The following ANKRD36 variants were observed in gnomAD, a reference collection of about 807,000 sequenced individuals.
The protein encoded by ANKRD36 is ankyrin repeat domain-containing protein 36A.
Under a neutral mutation model 278.1 loss-of-function variants are expected in ANKRD36, and 179 were observed. The ratio of observed to expected loss-of-function variants is 0.64; its 90% CI spans 0.57 to 0.73. The LOEUF (loss-of-function observed/expected upper bound fraction) is 0.73, where lower values mean the gene tolerates loss of function less well. Among genes scored for constraint, ANKRD36 ranks in the 30% least tolerant of loss-of-function variants. ANKRD36 has a pLI of 0.00. For synonymous variants in ANKRD36, 320 were observed against 641.1 expected, an observed-to-expected ratio of 0.50 and a Z score of 7.57; for missense variants, 1,159 against 1,956.7, an observed-to-expected ratio of 0.59 and a Z score of 7.69.
At chr2:97,224,368 A>G (rs2068648628) in intron 66 of ANKRD36, among the ~76,000 whole-genome samples, 1 of 151,580 alleles carries the variant, frequency 6.6e-6, no homozygotes. Flanking sequence ...AAAGAAGTAA[A>G]TATTATACTA....
intron 50 of ANKRD36, among the ~76,000 whole-genome samples, chr2:97,205,420 T>G (rs374337498): frequency 5.2e-4 from 78 of 150,002 alleles, no homozygotes; most frequent in African/African-American, 8.0e-4. Context: ...GGTGATCAAT[T>G]TAGGACACTT....
rs757822973 is a variant in ANKRD36 at position 97,189,162 on chromosome 2, A to G, written c.2172+47A>G. ...TTGTGAACTAGTAATTCTATAGTCTATGAAACATACTTCATTGATTTATTT... is the reference window on the plus strand; with the variant it reads ...TTGTGAACTAGTAATTCTATAGTCTGTGAAACATACTTCATTGATTTATTT... On this transcript the variant is annotated intron_variant, in intron 33 of 75. Transcript: ENST00000420699. 6 of 751,372 alleles carry G rather than the reference A, an allele frequency of 8.0e-6. 1 individual carries two copies. Among genetic ancestry groups the G allele is most frequent in the Admixed American group, 6.7e-5 (3 of 44,506 alleles). 46.5% of individuals were successfully genotyped at this position (751,372 alleles called of 1,614,324 possible). A position where few individuals can be genotyped will look rare whatever the true frequency, so the allele number is the denominator to read the frequency against.
chr2:97,171,625 G>C (rs1292157411), intron 22 of ANKRD36, among the ~76,000 whole-genome samples: 2 of 138,560 alleles, frequency 1.4e-5, no homozygotes, highest in Admixed American at 7.4e-5. Context: ...TGGGTGCAGC[G>C]CACCAGCATG....
At chr2:97,174,418 C>T (rs201787567) in intron 22 of ANKRD36, among the ~76,000 whole-genome samples, 3 of 151,550 alleles carry the variant, frequency 2.0e-5, no homozygotes, top group Non-Finnish European at 4.4e-5. Flanking sequence ...TGACTCATTG[C>T]TCCTCTTTGT....
intron 15 of ANKRD36, among the ~76,000 whole-genome samples, chr2:97,155,020 A>G (rs2047119118): frequency 7.0e-6 from 1 of 143,844 alleles, no homozygotes; most frequent in African/African-American, 2.4e-5. Context: ...TGGTTTTGGA[A>G]CACTTTCCCA....
chr2:97,205,917 T>G (rs1279469875), intron 50 of ANKRD36, 23 bp from the exon 51 acceptor site: 1 of 1,543,860 alleles, frequency 6.5e-7, no homozygotes, highest in African/African-American at 1.4e-5. Flanking sequence ...TATGACTGAT[T>G]ATGAATCACT....
intron 66 of ANKRD36, among the ~76,000 whole-genome samples, chr2:97,223,025 T>G (rs1388337451): frequency 4.6e-5 from 7 of 152,062 alleles, no homozygotes; most frequent in African/African-American, 1.7e-4. Flanking sequence ...GTATAAAATG[T>G]TATTAATAAG....
chr2:97,183,874 A>G (rs376551200), intron 28 of ANKRD36, among the ~76,000 whole-genome samples: 1 of 151,810 alleles, frequency 6.6e-6, no homozygotes, highest in Admixed American at 6.6e-5. Flanking sequence ...GAATTTGGAT[A>G]GAAGAACCAT....
At chr2:97,191,711 A>T (rs1166293278) in intron 36 of ANKRD36, among the ~76,000 whole-genome samples, 5 of 151,694 alleles carry the variant, frequency 3.3e-5, no homozygotes, top group African/African-American at 1.2e-4. Flanking sequence ...AGGAAACCTG[A>T]GTGAACTCAC....
intron 12 of ANKRD36, among the ~76,000 whole-genome samples, chr2:97,150,529 T>A (rs924253757): frequency 6.6e-6 from 1 of 152,216 alleles, no homozygotes; most frequent in African/African-American, 2.4e-5. Context: ...TAACCTAATA[T>A]GCATGACATA....
At chr2:97,137,582 T>C (rs1459370664) in intron 6 of ANKRD36, among the ~76,000 whole-genome samples, 1 of 93,786 alleles carries the variant, frequency 1.1e-5, no homozygotes, top group Non-Finnish European at 3.3e-5. Flanking sequence ...CCACTGTACA[T>C]ATATATATAT....
At position 97,189,135 on chromosome 2, in the gene ANKRD36, C is replaced by A. The variant is rs764577206; in HGVS notation, c.2172+20C>A. ...TTGAAGGTAATTAAACTCTCGTTTA[C>A]ATTGTGAACTAGTAATTCTATAGTC... On this transcript the variant is annotated intron_variant, in intron 33 of 75. Coordinates refer to ENST00000420699, the MANE Select transcript of ANKRD36 (RefSeq NM_001354587.1). 1 of 757,538 alleles carries A rather than the reference C, an allele frequency of 1.3e-6. No homozygotes were observed. Among genetic ancestry groups the A allele is most frequent in the Admixed American group, 2.2e-5 (1 of 45,116 alleles). 46.9% of individuals were successfully genotyped at this position (757,538 alleles called of 1,614,324 possible).
intron 12 of ANKRD36, 150 bp downstream of exon 12, chr2:97,149,511 G>A: frequency 1.5e-6 from 1 of 649,340 alleles, no homozygotes; most frequent in East Asian, 3.4e-5. Flanking sequence ...AGAAATGGGA[G>A]GGGTTAATTT....
intron 6 of ANKRD36, among the ~76,000 whole-genome samples, chr2:97,132,757 G>A (rs2040496668): frequency 6.6e-6 from 1 of 152,044 alleles, no homozygotes; most frequent in African/African-American, 2.4e-5. Context: ...TTGACTCAGG[G>A]CAAAGGGGCA....
chr2:97,170,718 A>G (rs527923589), intron 22 of ANKRD36, among the ~76,000 whole-genome samples: 2 of 151,996 alleles, frequency 1.3e-5, no homozygotes, highest in African/African-American at 2.4e-5. Flanking sequence ...TAATTAAACT[A>G]AAGAGCTTCT....
Position 97,118,489 on chromosome 2 carries a change from A to G in ANKRD36, c.458A>G (p.His153Arg), listed in dbSNP as rs760900378. The part of the protein sequence containing the change: ...DTSMIEKLLS[H>R]GTNIEECSKC... Reference sequence around the variant, plus strand: ...TCCATGATAGAAAAACTTCTTTCACATGGTACAAATATTGAAGAATGCAGC... The same window carrying G: ...TCCATGATAGAAAAACTTCTTTCACGTGGTACAAATATTGAAGAATGCAGC... The change falls in exon 3 of 76, where the codon CAT (histidine) becomes CGT (arginine). Residue 153 changes from histidine (H) to arginine (R), a missense_variant. Physicochemically the swap from His to Arg is conservative, Grantham distance 29. Coordinates refer to ENST00000420699, the MANE Select transcript of ANKRD36 (RefSeq NM_001354587.1). 81 of 1,598,346 alleles carry G rather than the reference A, an allele frequency of 5.1e-5. 2 individuals carry two copies. The highest frequency in any genetic ancestry group is 5.0e-4 in the Admixed American group (29 of 58,116).
At chr2:97,165,676 T>C (rs2050429526) in intron 20 of ANKRD36, among the ~76,000 whole-genome samples, 1 of 151,870 alleles carries the variant, frequency 6.6e-6, no homozygotes, top group South Asian at 2.1e-4. Context: ...TATAAAGGGT[T>C]TCCAGGTGTC....
At chr2:97,114,904 A>G (rs944906039) in intron 1 of ANKRD36, among the ~76,000 whole-genome samples, 3 of 152,116 alleles carry the variant, frequency 2.0e-5, no homozygotes, top group African/African-American at 7.2e-5. Flanking sequence ...TATTGTGACG[A>G]CATCAAGAAA....
intron 4 of ANKRD36, among the ~76,000 whole-genome samples, chr2:97,123,890 ATT>A (rs1486851408): frequency 1.4e-5 from 2 of 143,152 alleles, no homozygotes; most frequent in African/African-American, 5.0e-5. Flanking sequence ...ATATATACTA[ATT>A]TTATATATAT....
Sources: allele counts gnomAD v4.1 joint callset (sites outside exome capture counted in the v4.1 genomes callset), GRCh38; gene constraint gnomAD v4.1.1; transcripts MANE v1.5; gene names NCBI Gene and HGNC (gene_info 2026-07-23, HGNC 2026-07-21).